Variants in NPRL2 observed in about 807,000 individuals in gnomAD.
The protein encoded by NPRL2 is NPR2 like, GATOR1 complex subunit.
A neutral mutation model predicts 51.1 loss-of-function variants in NPRL2; 21 were observed. The observed-to-expected ratio is 0.41, with a 90% confidence interval of 0.29 to 0.59. The LOEUF is 0.59. Among genes scored for constraint, NPRL2 ranks in the 20% least tolerant of loss-of-function variants. The probability of loss-of-function intolerance (pLI) is 0.29; values close to 1 mark genes in which losing one functional copy is unlikely to be tolerated. For synonymous variants in NPRL2, 175 were observed against 187.8 expected (o/e 0.93, Z 0.56); for missense variants, 376 against 483.4 (o/e 0.78, Z 2.08).
rs772395363 is a variant in NPRL2, at chr3:50,349,464, TCTC to T, written c.367_369del (p.Glu123del). The stretch of plus-strand genomic sequence containing the variant: ...ATGATGGGCACCAACTTCTGCTTGC[TCTC>T]CTCCATGGACACGAAGCTGCTCTCT... On this transcript the variant is annotated inframe_deletion, in exon 4 of 11. Transcript: ENST00000232501. The surrounding 1 kb of genome is among the most constrained non-coding windows in gnomAD (Gnocchi z 4.6). 1 of 1,613,690 alleles carries T rather than the reference TCTC, an allele frequency of 6.2e-7. No individual in the cohort carries two copies. The highest frequency in any genetic ancestry group is 1.3e-5 in the African/African-American group (1 of 74,950).
chr3:50,347,917 G>A lies in NPRL2; in HGVS notation c.933-16C>T, dbSNP rs929936239. The A allele has an allele frequency of 6.2e-7, 1 of 1,613,530 alleles. No homozygotes were observed. Among genetic ancestry groups the A allele is most frequent in the African/African-American group, 1.3e-5 (1 of 74,900 alleles). ...GATCAGCTTCCTAGGGTGAGGATCAGAGGACGGGGTGACGCCCTGGCCAGG... is the reference window on the plus strand; with the variant it reads ...GATCAGCTTCCTAGGGTGAGGATCAAAGGACGGGGTGACGCCCTGGCCAGG... On this transcript the variant is annotated splice_polypyrimidine_tract_variant and intron_variant, in intron 9 of 10. Transcript: ENST00000232501.
Position 50,348,231 on chromosome 3 carries a change from C to G in NPRL2, c.825G>C (p.Arg275Ser), listed in dbSNP as rs1308828254. ...LSYVTKQGHK[R>S]ASLRDVFQLY... Reference sequence around the variant, plus strand: ...GCTGGAACACATCCCGGAGACTGGCCCTCTTGTGCCCTGTGGGTGCCAGGG... The same window carrying G: ...GCTGGAACACATCCCGGAGACTGGCGCTCTTGTGCCCTGTGGGTGCCAGGG... Residue 275 changes from arginine (R) to serine (S), a missense_variant, in exon 9 of 11, where the codon AGG (arginine) becomes AGC (serine). Transcript: ENST00000232501. The surrounding 1 kb of genome is among the most constrained non-coding windows in gnomAD (Gnocchi z 5.8). 2.5e-6 allele frequency: 4 copies of G among 1,613,994 alleles called. No homozygotes were observed. The highest frequency in any genetic ancestry group is 3.4e-6 in the Non-Finnish European group (4 of 1,180,020).
Position 50,349,751 on chromosome 3 carries a change from G to C in NPRL2, c.253C>G (p.Leu85Val). 6.2e-7 allele frequency: 1 copy of C among 1,613,982 alleles called. No individual in the cohort carries two copies. The highest frequency in any genetic ancestry group is 8.5e-7 in the Non-Finnish European group (1 of 1,180,014). Reference sequence around the variant, plus strand: ...GCCTGGGCATCACACACGAAGCCCAGGTTGAAGAGGAGAGCATTGCGGCTG... The same window carrying C: ...GCCTGGGCATCACACACGAAGCCCACGTTGAAGAGGAGAGCATTGCGGCTG... ...KYSRNALLFN[L>V]GFVCDAQAKT... is the part of the protein sequence containing the mutation. Residue 85 changes from leucine (L) to valine (V), a missense_variant, in exon 3 of 11, where the codon CTG (leucine) becomes GTG (valine). Transcript: ENST00000232501. The surrounding 1 kb of genome is among the most constrained non-coding windows in gnomAD (Gnocchi z 4.6).
rs763103438 is a variant in NPRL2, at chr3:50,349,740, C to T, written c.264G>A (p.Val88=). 2 of 1,614,008 alleles carry T rather than the reference C, an allele frequency of 1.2e-6. No homozygotes were observed. The highest frequency in any genetic ancestry group is 1.7e-6 in the Non-Finnish European group (2 of 1,180,018). Residue 88 remains valine, a synonymous_variant, in exon 3 of 11, where the codon GTG becomes GTA. Transcript: ENST00000232501. This position sits in a 1 kb window ranked among gnomAD's most constrained non-coding sequence, Gnocchi z 4.6. ...RNALLFNLGF[V]CDAQAKTCAL... ...CGCAGGTCTTGGCCTGGGCATCACA[C>T]ACGAAGCCCAGGTTGAAGAGGAGAG...
At position 50,347,546 on chromosome 3, in the gene NPRL2, A is replaced by T; in HGVS notation, c.*60T>A. On this transcript the variant is annotated 3_prime_UTR_variant, in exon 11 of 11. Coordinates refer to ENST00000232501, the MANE Select transcript of NPRL2 (RefSeq NM_006545.5). ...TAAGAGTCAACCTCTAGACAGTATG[A>T]CAAGCCTCCTAGTAGGAGGGACTAC... is the stretch of plus-strand genomic sequence containing the variant. 1 of 1,596,496 alleles carries T rather than the reference A, an allele frequency of 6.3e-7. No individual in the cohort carries two copies. Among genetic ancestry groups the T allele is most frequent in the Non-Finnish European group, 8.6e-7 (1 of 1,164,736 alleles).
chr3:50,349,251 A>ACATGGGCACCTCAGCC lies in NPRL2; in HGVS notation c.448+119_448+134dup. 1.1e-6 allele frequency: 1 copy of ACATGGGCACCTCAGCC among 880,592 alleles called. No individual in the cohort carries two copies. Among genetic ancestry groups the ACATGGGCACCTCAGCC allele is most frequent in the South Asian group, 1.6e-5 (1 of 63,942 alleles). The allele number at this position is 880,592 out of a possible 1,614,324, so 54.5% of individuals were successfully genotyped here. A position where few individuals can be genotyped will look rare whatever the true frequency, so the allele number is the denominator to read the frequency against. On this transcript the variant is annotated intron_variant, in intron 4 of 10. Transcript: ENST00000232501. This position sits in a 1 kb window ranked among gnomAD's most constrained non-coding sequence, Gnocchi z 4.6. Reference sequence around the variant, plus strand: ...AGCTCCATCATGCATTGGACCCTGGACATGGGCACCTCAGCCCATGGCTAT... The same window carrying ACATGGGCACCTCAGCC: ...AGCTCCATCATGCATTGGACCCTGGACATGGGCACCTCAGCCCATGGGCACCTCAGCCCATGGCTAT...
At position 50,350,638 on chromosome 3, in the gene NPRL2, G is replaced by A; in HGVS notation, c.15C>T (p.Cys5=). 2 of 1,605,728 alleles carry A rather than the reference G, an allele frequency of 1.2e-6. No homozygotes were observed. Among genetic ancestry groups the A allele is most frequent in the African/African-American group, 1.3e-5 (1 of 74,888 alleles). Residue 5 remains cysteine (C), a synonymous_variant, in exon 1 of 11, where the codon TGC becomes TGT. Coordinates refer to ENST00000232501, the MANE Select transcript of NPRL2 (RefSeq NM_006545.5). This position sits in a 1 kb window ranked among gnomAD's most constrained non-coding sequence, Gnocchi z 5.7. The stretch of plus-strand genomic sequence containing the variant: ...CGCTGAAGAATATGCATTCGATGCG[G>A]CAGCCGCTGCCCATGGCAATAACCG... MGSG[C]RIECIFFSEF...
chr3:50,348,389 T>C lies in NPRL2; in HGVS notation c.742A>G (p.Thr248Ala). 1 of 1,613,846 alleles carries C rather than the reference T, an allele frequency of 6.2e-7. No homozygotes were observed. Among genetic ancestry groups the C allele is most frequent in the South Asian group, 1.1e-5 (1 of 91,074 alleles). The change falls in exon 8 of 11, where the codon ACG becomes GCG. Residue 248 changes from threonine to alanine, a missense_variant. Physicochemically the swap from Thr to Ala is moderately conservative, Grantham distance 58 (BLOSUM62 0). Transcript: ENST00000232501. The surrounding 1 kb of genome is among the most constrained non-coding windows in gnomAD (Gnocchi z 5.8). ...TCTACCAGGTCCTGGACCTTGGGCG[T>C]TGGGCAGTATACATTGGAGTACTAG... ...ILQYSNVYCP[T>A]PKVQDLVDDK...
chr3:50,348,706 C>G lies in NPRL2; in HGVS notation c.662G>C (p.Arg221Pro), dbSNP rs766714619. 4 of 1,613,890 alleles carry G rather than the reference C, an allele frequency of 2.5e-6. No homozygotes were observed. The Admixed American group carries it at 6.7e-5, about 27-fold the overall frequency. ...TCACAGCAGGTTCTGGATAGCAATG[C>G]GCACCAGGTTGAGCTCCACATCTGC... ...AEADVELNLV[R>P]IAIQNLLYYG... The change falls in exon 6 of 11, where the codon CGC becomes CCC. Residue 221 changes from arginine (R) to proline (P), a missense_variant. Physicochemically the swap from Arg to Pro is moderately radical, Grantham distance 103. Transcript: ENST00000232501. The surrounding 1 kb of genome is among the most constrained non-coding windows in gnomAD (Gnocchi z 5.8).
chr3:50,348,612 C>T lies in NPRL2; in HGVS notation c.684-49G>A. On this transcript the variant is annotated intron_variant, in intron 6 of 10. Transcript: ENST00000232501. This position sits in a 1 kb window ranked among gnomAD's most constrained non-coding sequence, Gnocchi z 5.8. ...CTTCTGAGGACCATGCCTTCCCAAC[C>T]CTCACACCCAGGGCCCCTGAGGTCT... The T allele has an allele frequency of 1.2e-6, 2 of 1,614,062 alleles. No homozygotes were observed. Among genetic ancestry groups the T allele is most frequent in the Non-Finnish European group, 1.7e-6 (2 of 1,179,992 alleles).
chr3:50,349,819 T>A lies in NPRL2; in HGVS notation c.185A>T (p.Lys62Met). ...NKLITVTAME[K>M]KLIGCPVCIE... ...GCACACAGGACAGCCGATCAGCTTC[T>A]TTTCCATAGCTGTGCTGGATAATTG... The change falls in exon 3 of 11, where the codon AAG (lysine) becomes ATG (methionine). Residue 62 changes from lysine to methionine, a missense_variant. Physicochemically the swap from Lys to Met is moderately conservative, Grantham distance 95 (BLOSUM62 -1). Transcript: ENST00000232501. This position sits in a 1 kb window ranked among gnomAD's most constrained non-coding sequence, Gnocchi z 4.6. 1 of 1,612,264 alleles carries A rather than the reference T, an allele frequency of 6.2e-7. No individual in the cohort carries two copies. The highest frequency in any genetic ancestry group is 8.5e-7 in the Non-Finnish European group (1 of 1,178,628).
At position 50,349,489 on chromosome 3, in the gene NPRL2, C is replaced by A; in HGVS notation, c.345G>T (p.Glu115Asp). The A allele has an allele frequency of 6.2e-7, 1 of 1,613,850 alleles. No homozygotes were observed. The highest frequency in any genetic ancestry group is 1.1e-5 in the South Asian group (1 of 91,074). Residue 115 changes from glutamate (E) to aspartate (D), a missense_variant, in exon 4 of 11, where the codon GAG (glutamate) becomes GAT (aspartate). Transcript: ENST00000232501. The surrounding 1 kb of genome is among the most constrained non-coding windows in gnomAD (Gnocchi z 4.6). ...LAGYLTTLEL[E>D]SSFVSMEESK... ...TCTCCTCCATGGACACGAAGCTGCTCTCTAGCTAGACAGAGCATGGAAAGC... is the reference window on the plus strand; with the variant it reads ...TCTCCTCCATGGACACGAAGCTGCTATCTAGCTAGACAGAGCATGGAAAGC...
At position 50,349,011 on chromosome 3, in the gene NPRL2, C is replaced by A. The variant is rs779953643; in HGVS notation, c.449-1G>T. 9 of 1,612,904 alleles carry A rather than the reference C, an allele frequency of 5.6e-6. No homozygotes were observed. ...TTCAAGTGGATGGTGTTGGACTCAT[C>A]TGCAGGGGGCCCCATCCATATCCTC... On this transcript the variant is annotated splice_acceptor_variant, in intron 4 of 10. Transcript: ENST00000232501. LOFTEE classifies it high-confidence loss of function. The surrounding 1 kb of genome is among the most constrained non-coding windows in gnomAD (Gnocchi z 4.6).
chr3:50,347,494 T>G lies in NPRL2; in HGVS notation c.*112A>C, dbSNP rs1281137905. 5.8e-6 allele frequency: 8 copies of G among 1,389,416 alleles called. No homozygotes were observed. The highest frequency in any genetic ancestry group is 8.1e-6 in the Non-Finnish European group (8 of 986,680). 86.1% of individuals were successfully genotyped at this position (1,389,416 alleles called of 1,614,324 possible). The stretch of plus-strand genomic sequence containing the variant: ...GAAACAGCACTCAATAAAGGCTGTT[T>G]GAAATGGATGTCTTTATTTACAGAA... On this transcript the variant is annotated 3_prime_UTR_variant, in exon 11 of 11. Transcript: ENST00000232501.
Position 50,350,120 on chromosome 3 carries a change from C to A in NPRL2, c.79-98G>T. ...ATGCCCCCCAAGCCCAAGTCCTCTT[C>A]TCCAGCGTTCCCCTCTCTCCCATCC... On this transcript the variant is annotated intron_variant, in intron 1 of 10. Transcript: ENST00000232501. The surrounding 1 kb of genome is among the most constrained non-coding windows in gnomAD (Gnocchi z 5.7). 2 of 936,790 alleles carry A rather than the reference C, an allele frequency of 2.1e-6. No homozygotes were observed. Among genetic ancestry groups the A allele is most frequent in the Non-Finnish European group, 3.4e-6 (2 of 589,698 alleles). 58.0% of individuals were successfully genotyped at this position (936,790 alleles called of 1,614,324 possible). A position where few individuals can be genotyped will look rare whatever the true frequency, so the allele number is the denominator to read the frequency against.
Position 50,349,859 on chromosome 3 carries a change from C to T in NPRL2, c.171-26G>A. 1 of 1,612,560 alleles carries T rather than the reference C, an allele frequency of 6.2e-7. No individual in the cohort carries two copies. Among genetic ancestry groups the T allele is most frequent in the East Asian group, 2.2e-5 (1 of 44,858 alleles). On this transcript the variant is annotated intron_variant, in intron 2 of 10. Coordinates refer to ENST00000232501, the MANE Select transcript of NPRL2 (RefSeq NM_006545.5). This position sits in a 1 kb window ranked among gnomAD's most constrained non-coding sequence, Gnocchi z 4.6. ...CTGGATAATTGGAACACAGTCAGGC[C>T]CCCAAGCCTGTCCCTTCCTCCTCCT...
chr3:50,347,920 G>A lies in NPRL2; in HGVS notation c.933-19C>T, dbSNP rs373794072. 2.5e-5 allele frequency: 40 copies of A among 1,613,524 alleles called. No homozygotes were observed. The African/African-American group carries it at 4.1e-4, about 17-fold the overall frequency. On this transcript the variant is annotated intron_variant, in intron 9 of 10. Transcript: ENST00000232501. The stretch of plus-strand genomic sequence containing the variant: ...CAGCTTCCTAGGGTGAGGATCAGAG[G>A]ACGGGGTGACGCCCTGGCCAGGCCT...
Position 50,349,943 on chromosome 3 carries a change from T to C in NPRL2, c.158A>G (p.Lys53Arg), listed in dbSNP as rs1227195744. ...YIITKPELQN[K>R]LITVTAMEKK... The stretch of plus-strand genomic sequence containing the variant: ...GCTAGGGTCTCACACAGTGATAAGC[T>C]TGTTCTGCAGCTCTGGCTTGGTGAT... The change falls in exon 2 of 11, where the codon AAG (lysine) becomes AGG (arginine). Residue 53 changes from lysine to arginine, a missense_variant. Physicochemically the swap from Lys to Arg is conservative, Grantham distance 26. Transcript: ENST00000232501. The surrounding 1 kb of genome is among the most constrained non-coding windows in gnomAD (Gnocchi z 4.6). 1 of 1,613,794 alleles carries C rather than the reference T, an allele frequency of 6.2e-7. No individual in the cohort carries two copies. The highest frequency in any genetic ancestry group is 1.7e-5 in the Admixed American group (1 of 59,992).
Position 50,349,406 on chromosome 3 carries a change from C to A in NPRL2, c.428G>T (p.Gly143Val), listed in dbSNP as rs1472960267. The A allele has an allele frequency of 6.2e-7, 1 of 1,613,568 alleles. No homozygotes were observed. Among genetic ancestry groups the A allele is most frequent in the African/African-American group, 1.3e-5 (1 of 74,896 alleles). Residue 143 changes from glycine (G) to valine (V), a missense_variant, in exon 4 of 11, where the codon GGC (glycine) becomes GTC (valine). Coordinates refer to ENST00000232501, the MANE Select transcript of NPRL2 (RefSeq NM_006545.5). This position sits in a 1 kb window ranked among gnomAD's most constrained non-coding sequence, Gnocchi z 4.6. ...TILLEELNASGRCTLPIDESN... is the reference protein window; with the variant it reads ...TILLEELNASVRCTLPIDESN... ...CATACCAATGGGCAGAGTGCACCGG[C>A]CTGAGGCATTTAGCTCCTCCAGCAA...
Sources: gnomAD v4.1 joint callset for allele counts on GRCh38, gnomAD v4.1.1 for gene constraint, Gnocchi (gnomAD v3.1) non-coding constraint, MANE v1.5 for transcripts, NCBI Gene and HGNC (gene_info 2026-07-23, HGNC 2026-07-21) for gene names.